Variants in GPC5 observed in about 807,000 individuals in gnomAD.
GPC5 encodes the protein glypican 5.
Under a neutral mutation model 53.9 loss-of-function variants are expected in GPC5, and 47 were observed. The observed-to-expected ratio is 0.87, with a 90% CI of 0.69 to 1.11. The LOEUF (loss-of-function observed/expected upper bound fraction) is 1.11. Among genes scored for constraint, GPC5 ranks in the 50% most tolerant of loss-of-function variants. The pLI is 0.00. For missense variants in GPC5, 748 were observed against 713.1 expected, an observed-to-expected ratio of 1.05 and a Z score of -0.56; for synonymous variants, 286 against 263.3, an observed-to-expected ratio of 1.09 and a Z score of -0.84.
chr13:92,518,199 C>T (rs1171892664), intron 7 of GPC5, among the ~76,000 whole-genome samples: 2 of 152,180 alleles, frequency 1.3e-5, no homozygotes, highest in African/African-American at 2.4e-5. Flanking sequence ...TTGGAAAACA[C>T]TCTTCAGGAT....
chr13:91,977,426 A>G (rs936590896), intron 6 of GPC5, among the ~76,000 whole-genome samples: 1 of 152,134 alleles, frequency 6.6e-6, no homozygotes, highest in Non-Finnish European at 1.5e-5. Context: ...TTAGACAGAT[A>G]TTTTTTCAGC....
chr13:91,557,180 G>A (rs545726133), intron 2 of GPC5, among the ~76,000 whole-genome samples: 4 of 151,986 alleles, frequency 2.6e-5, no homozygotes, highest in Non-Finnish European at 5.9e-5. Context: ...CTATGTATGA[G>A]CGATTCCGTT....
At chr13:91,572,414 T>G (rs753361400) in intron 2 of GPC5, among the ~76,000 whole-genome samples, 2 of 151,986 alleles carry the variant, frequency 1.3e-5, no homozygotes, top group African/African-American at 2.4e-5. Context: ...GAAAAAAGGT[T>G]TATTTGCTTC....
At chr13:92,199,290 C>A (rs900169756) in intron 7 of GPC5, among the ~76,000 whole-genome samples, 1 of 152,198 alleles carries the variant, frequency 6.6e-6, no homozygotes, top group Non-Finnish European at 1.5e-5. Context: ...TCAGCAACTT[C>A]TAGCCTGACC....
chr13:92,408,787 AAAG>A (rs137904828), intron 7 of GPC5, among the ~76,000 whole-genome samples: 2,789 of 152,270 alleles, frequency 0.018, 92 homozygotes, highest in African/African-American at 0.063. Flanking sequence ...GGATAAAAAT[AAAG>A]AATAACTAAG....
intron 1 of GPC5, among the ~76,000 whole-genome samples, chr13:91,402,933 G>A (rs1278148576): frequency 1.3e-5 from 2 of 152,120 alleles, no homozygotes; most frequent in East Asian, 1.9e-4. Flanking sequence ...ACAAGGCTGC[G>A]CTGCTGCTAG....
chr13:91,660,020 A>G (rs146691328), intron 2 of GPC5, among the ~76,000 whole-genome samples: 92 of 152,322 alleles, frequency 6.0e-4, no homozygotes, highest in Admixed American at 2.1e-3. Flanking sequence ...AAAAAAAGAA[A>G]GGCTTCAGGT....
rs763472187 is a variant in GPC5 at position 91,731,459 on chromosome 13, CT to C, written c.1154+2802del. On this transcript the variant is annotated intron_variant, in intron 4 of 7. Transcript: ENST00000377067. ...AGTATTTTTGTCAGGAGAGGAATGTCTTTTTTTTATTGTGTTCAGCTCAACT... is the reference window on the plus strand; with the variant it reads ...AGTATTTTTGTCAGGAGAGGAATGTCTTTTTTTATTGTGTTCAGCTCAACT... Among the ~76,000 whole-genome samples, 7 of 152,010 alleles carry C rather than the reference CT, an allele frequency of 4.6e-5. No individual in the cohort carries two copies. In the East Asian group the frequency reaches 5.8e-4, roughly 13 times the overall value.
intron 6 of GPC5, among the ~76,000 whole-genome samples, chr13:92,131,593 T>G (rs1202755274): frequency 2.0e-5 from 3 of 152,068 alleles, no homozygotes; most frequent in Non-Finnish European, 4.4e-5. Context: ...GTATACTGCA[T>G]GATACTATTT....
At chr13:91,607,424 T>C (rs1369408812) in intron 2 of GPC5, among the ~76,000 whole-genome samples, 2 of 152,168 alleles carry the variant, frequency 1.3e-5, no homozygotes, top group Admixed American at 1.3e-4. Flanking sequence ...CGTGCTTGCC[T>C]AATGTGCTTT....
intron 7 of GPC5, among the ~76,000 whole-genome samples, chr13:92,465,323 T>C (rs944718602): frequency 6.6e-6 from 1 of 152,114 alleles, no homozygotes; most frequent in Admixed American, 6.6e-5. Flanking sequence ...GGAATATTGC[T>C]TTCTGATGAG....
intron 4 of GPC5, among the ~76,000 whole-genome samples, chr13:91,738,122 A>G (rs776044077): frequency 2.6e-5 from 4 of 151,306 alleles, no homozygotes; most frequent in African/African-American, 4.9e-5. Flanking sequence ...TAAACTTCGC[A>G]CTGGTGATAA....
chr13:91,488,988 C>T (rs556595430), intron 2 of GPC5, among the ~76,000 whole-genome samples: 1 of 152,302 alleles, frequency 6.6e-6, no homozygotes, highest in African/African-American at 2.4e-5. Context: ...TAAGCCTGGT[C>T]TCCTGTAGCA....
intron 5 of GPC5, among the ~76,000 whole-genome samples, chr13:91,867,239 T>C (rs2039095339): frequency 6.6e-6 from 1 of 152,126 alleles, no homozygotes; most frequent in Non-Finnish European, 1.5e-5. Flanking sequence ...AGTATCATCA[T>C]TGAGTCTCTA....
intron 5 of GPC5, among the ~76,000 whole-genome samples, chr13:91,852,335 C>T (rs1363826647): frequency 2.0e-5 from 3 of 152,102 alleles, no homozygotes; most frequent in Non-Finnish European, 4.4e-5. Flanking sequence ...CACCGTCTTT[C>T]ACTTCCACAT....
chr13:91,558,857 C>T (rs1245090371), intron 2 of GPC5, among the ~76,000 whole-genome samples: 2 of 152,058 alleles, frequency 1.3e-5, no homozygotes, highest in South Asian at 2.1e-4. Context: ...TGGACTTCCA[C>T]GTTTGTTCCT....
At chr13:91,765,746 A>G (rs968741476) in intron 5 of GPC5, among the ~76,000 whole-genome samples, 23 of 152,248 alleles carry the variant, frequency 1.5e-4, no homozygotes, top group Admixed American at 1.1e-3. Flanking sequence ...AGGATTCAAC[A>G]GTATTTAATG....
intron 6 of GPC5, among the ~76,000 whole-genome samples, chr13:92,115,594 A>G (rs1174579967): frequency 2.0e-5 from 3 of 152,140 alleles, no homozygotes; most frequent in Non-Finnish European, 4.4e-5. Context: ...ACTTCCTCTC[A>G]GTCCCTATAG....
rs1398060396 is a variant in GPC5, at chr13:91,587,655, AT to A, written c.326-105530del. Among the ~76,000 whole-genome samples the A allele has an allele frequency of 5.3e-5, 8 of 152,252 alleles. No individual in the cohort carries two copies. The South Asian group carries it at 1.0e-3, about 20-fold the overall frequency. On this transcript the variant is annotated intron_variant, in intron 2 of 7. Coordinates refer to ENST00000377067, the MANE Select transcript of GPC5 (RefSeq NM_004466.6). ...CACTGATGGTTCTTGTCTTAATCAT[AT>A]TACATTTATGTTTTGAAATATCATT... is the stretch of plus-strand genomic sequence containing the variant.
Sources: allele counts gnomAD v4.1 joint callset (sites outside exome capture counted in the v4.1 genomes callset), GRCh38; gene constraint gnomAD v4.1.1; transcripts MANE v1.5; gene names NCBI Gene and HGNC (gene_info 2026-07-23, HGNC 2026-07-21).